Variants in RPAP2 observed in about 807,000 individuals in gnomAD.
RPAP2 encodes the protein putative RNA polymerase II subunit B1 CTD phosphatase RPAP2.
A neutral mutation model predicts 73.1 loss-of-function variants in RPAP2; 52 were observed. That is an observed-to-expected ratio of 0.71 (90% confidence interval 0.57 to 0.90). The LOEUF is 0.90. Ranked by LOEUF, RPAP2 falls within the 40% of genes least tolerant of loss-of-function variation. RPAP2 has a pLI of 0.00. For missense variants in RPAP2, 598 were observed against 701.8 expected (o/e 0.85, Z 1.67); for synonymous variants, 225 against 242.1 (o/e 0.93, Z 0.65).
rs1222407427 is a variant in RPAP2 at position 92,392,225 on chromosome 1, C to G, written c.*5214C>G. 1 of 152,162 alleles carries G rather than the reference C, an allele frequency of 6.6e-6. No homozygotes were observed. Among genetic ancestry groups the G allele is most frequent in the Non-Finnish European group, 1.5e-5 (1 of 68,038 alleles). The allele number at this position is 152,162 out of a possible 1,614,324, so 9.4% of individuals were successfully genotyped here. On this transcript the variant is annotated 3_prime_UTR_variant, in exon 13 of 13. Transcript: ENST00000610020. ...TCTTCCCTGGGATGCAAGGCTGGTT[C>G]AACATATGCAAATCAATAAACATAA...
intron 11 of RPAP2, among the ~76,000 whole-genome samples, chr1:92,354,487 A>C (rs188725433): frequency 2.0e-5 from 3 of 152,214 alleles, no homozygotes; most frequent in Non-Finnish European, 2.9e-5. Flanking sequence ...AAACAAACCT[A>C]TGTGTAATAT....
chr1:92,337,479 A>C (rs1177193068), intron 10 of RPAP2, among the ~76,000 whole-genome samples: 2 of 152,154 alleles, frequency 1.3e-5, no homozygotes, highest in Non-Finnish European at 2.9e-5. Context: ...TTTAAGGCAA[A>C]CCTCAAAAAT....
At position 92,380,692 on chromosome 1, in the gene RPAP2, G is replaced by T. The variant is rs760659988; in HGVS notation, c.1689-32G>T. 3 of 1,495,012 alleles carry T rather than the reference G, an allele frequency of 2.0e-6. No homozygotes were observed. The Admixed American group carries it at 7.4e-5, about 37-fold the overall frequency. The allele number at this position is 1,495,012 out of a possible 1,614,324, so 92.6% of individuals were successfully genotyped here. ...AGTCCCTTTGCCCTTATCATTTCAT[G>T]GATATGCATTTAGTATTTTTGGTTG... On this transcript the variant is annotated intron_variant, in intron 11 of 12. Transcript: ENST00000610020.
At position 92,387,713 on chromosome 1, in the gene RPAP2, A is replaced by C. The variant is rs1162624315; in HGVS notation, c.*702A>C. 2.6e-5 allele frequency: 4 copies of C among 152,218 alleles called. No individual in the cohort carries two copies. The highest frequency in any genetic ancestry group is 5.9e-5 in the Non-Finnish European group (4 of 68,042). The allele number at this position is 152,218 out of a possible 1,614,324, so 9.4% of individuals were successfully genotyped here. Reference sequence around the variant, plus strand: ...TTGGACACTGGAGGAAATGACAGCTACTAAAGCCCAATCATGGAAAAGGAC... The same window carrying C: ...TTGGACACTGGAGGAAATGACAGCTCCTAAAGCCCAATCATGGAAAAGGAC... On this transcript the variant is annotated 3_prime_UTR_variant, in exon 13 of 13. Coordinates refer to ENST00000610020, the MANE Select transcript of RPAP2 (RefSeq NM_024813.3).
intron 11 of RPAP2, among the ~76,000 whole-genome samples, chr1:92,360,114 T>G (rs1654663272): frequency 6.6e-6 from 1 of 152,254 alleles, no homozygotes; most frequent in Non-Finnish European, 1.5e-5. Context: ...TCAAAATATG[T>G]ACTTTGCACT....
intron 9 of RPAP2, among the ~76,000 whole-genome samples, chr1:92,334,105 T>C (rs1328887331): frequency 6.6e-6 from 1 of 152,352 alleles, no homozygotes; most frequent in African/African-American, 2.4e-5. Flanking sequence ...TGCATTTTCT[T>C]ATTTTAGCAG....
At chr1:92,366,513 C>T (rs1052731163) in intron 11 of RPAP2, among the ~76,000 whole-genome samples, 16 of 152,122 alleles carry the variant, frequency 1.1e-4, no homozygotes, top group African/African-American at 3.6e-4. Context: ...GTTCTCTATG[C>T]CCAGGGAGCT....
At chr1:92,344,741 C>T (rs1171616022) in intron 10 of RPAP2, among the ~76,000 whole-genome samples, 1 of 152,136 alleles carries the variant, frequency 6.6e-6, no homozygotes, top group Non-Finnish European at 1.5e-5. Flanking sequence ...CCATCCTCAC[C>T]AACCCTTGGT....
Position 92,399,989 on chromosome 1 carries a change from A to T in RPAP2, c.*12978A>T, listed in dbSNP as rs1016364684. 5.9e-5 allele frequency: 9 copies of T among 152,194 alleles called. No homozygotes were observed. Among genetic ancestry groups the T allele is most frequent in the Non-Finnish European group, 8.8e-5 (6 of 68,018 alleles). The allele number at this position is 152,194 out of a possible 1,614,324, so 9.4% of individuals were successfully genotyped here. A position where few individuals can be genotyped will look rare whatever the true frequency, so the allele number is the denominator to read the frequency against. The stretch of plus-strand genomic sequence containing the variant: ...CTAGTCTAACTAAATATCTCACTTT[A>T]AAAAAAGCACAAACTAAGACTCAAT... On this transcript the variant is annotated 3_prime_UTR_variant, in exon 13 of 13. Transcript: ENST00000610020.
chr1:92,371,553 T>C (rs985930213), intron 11 of RPAP2, among the ~76,000 whole-genome samples: 1 of 151,356 alleles, frequency 6.6e-6, no homozygotes, highest in African/African-American at 2.4e-5. Context: ...GATACATGAA[T>C]AAAGAAAATA....
At chr1:92,328,823 G>A (rs1652793087) in intron 8 of RPAP2, among the ~76,000 whole-genome samples, 1 of 152,208 alleles carries the variant, frequency 6.6e-6, no homozygotes, top group South Asian at 2.1e-4. Flanking sequence ...AGATTCTTTT[G>A]TCCCACAGGG....
At chr1:92,364,719 T>C (rs189156211) in intron 11 of RPAP2, among the ~76,000 whole-genome samples, 1 of 152,318 alleles carries the variant, frequency 6.6e-6, no homozygotes, top group East Asian at 1.9e-4. Context: ...TTGCCACTGC[T>C]ACTAACCCAC....
intron 11 of RPAP2, among the ~76,000 whole-genome samples, chr1:92,351,724 A>G (rs1361813520): frequency 1.3e-5 from 2 of 152,200 alleles, no homozygotes; most frequent in African/African-American, 4.8e-5. Flanking sequence ...AAGAGAAGAC[A>G]TATAGAAGGC....
intron 11 of RPAP2, among the ~76,000 whole-genome samples, chr1:92,378,256 G>A (rs1298625434): frequency 6.6e-6 from 1 of 152,108 alleles, no homozygotes; most frequent in African/African-American, 2.4e-5. Context: ...CCAGGCTGGA[G>A]TGCAGCGGTG....
chr1:92,347,881 T>C (rs960670523), intron 11 of RPAP2, among the ~76,000 whole-genome samples: 16 of 152,180 alleles, frequency 1.1e-4, no homozygotes, highest in African/African-American at 3.9e-4. Flanking sequence ...TTTACTGTAG[T>C]GTATCGCATG....
At position 92,395,691 on chromosome 1, in the gene RPAP2, T is replaced by A. The variant is rs149551196; in HGVS notation, c.*8680T>A. Reference sequence around the variant, plus strand: ...AAAAATCACAGACTGGGAGAAAATATTTTCAAACCATAATAAGTATCTGAT... The same window carrying A: ...AAAAATCACAGACTGGGAGAAAATAATTTCAAACCATAATAAGTATCTGAT... On this transcript the variant is annotated 3_prime_UTR_variant, in exon 13 of 13. Transcript: ENST00000610020. 1 of 151,190 alleles carries A rather than the reference T, an allele frequency of 6.6e-6. No individual in the cohort carries two copies. The highest frequency in any genetic ancestry group is 2.4e-5 in the African/African-American group (1 of 41,212). 9.4% of individuals were successfully genotyped at this position (151,190 alleles called of 1,614,324 possible). A position where few individuals can be genotyped will look rare whatever the true frequency, so the allele number is the denominator to read the frequency against.
At chr1:92,323,344 T>A (rs1652423768) in intron 7 of RPAP2, 101 bp from the exon 8 acceptor site, 1 of 724,188 alleles carries the variant, frequency 1.4e-6, no homozygotes. Flanking sequence ...ACCTTGAAAG[T>A]TACAATGTAT....
intron 11 of RPAP2, among the ~76,000 whole-genome samples, 169 bp from the exon 12 acceptor site, chr1:92,380,555 T>A (rs1242774409): frequency 6.6e-6 from 1 of 152,236 alleles, no homozygotes; most frequent in Non-Finnish European, 1.5e-5. Flanking sequence ...TTCAGTCTTT[T>A]CCTGAGACTT....
chr1:92,317,434 G>A (rs1387910045), intron 6 of RPAP2, among the ~76,000 whole-genome samples: 1 of 152,072 alleles, frequency 6.6e-6, no homozygotes, highest in East Asian at 1.9e-4. Flanking sequence ...CTTCAACCTG[G>A]GAGGCGGAGG....
Sources: allele counts gnomAD v4.1 joint callset (sites outside exome capture counted in the v4.1 genomes callset), GRCh38; gene constraint gnomAD v4.1.1; transcripts MANE v1.5; gene names NCBI Gene and HGNC (gene_info 2026-07-23, HGNC 2026-07-21).